SPSB1: variants seen among roughly 807,000 people sequenced by gnomAD.
SPSB1 encodes splA/ryanodine receptor domain and SOCS box containing 1.
In SPSB1, 8 loss-of-function variants were observed where a neutral mutation model predicts 21.2. That is an observed-to-expected ratio of 0.38 (90% CI 0.22 to 0.68). The LOEUF (loss-of-function observed/expected upper bound fraction) is 0.68, where lower values mean the gene tolerates loss of function less well. SPSB1 is among the 30% of genes least tolerant of loss of function. The pLI, the probability that SPSB1 is intolerant of heterozygous loss-of-function variation, is 0.53. For synonymous variants in SPSB1, 169 were observed against 161.7 expected (o/e 1.05, Z -0.34); for missense variants, 242 against 377.8 (o/e 0.64, Z 2.98).
chr1:9,349,340 C>T (rs1031241293), intron 1 of SPSB1, among the ~76,000 whole-genome samples: 36 of 152,238 alleles, frequency 2.4e-4, no homozygotes, highest in African/African-American at 7.2e-4. Context: ...ATATTGGTGA[C>T]GTGTCCTCTC....
Position 9,367,477 on chromosome 1 carries a change from C to G in SPSB1, c.724C>G (p.Arg242Gly). 6.2e-7 allele frequency: 1 copy of G among 1,613,682 alleles called. No homozygotes were observed. Among genetic ancestry groups the G allele is most frequent in the South Asian group, 1.1e-5 (1 of 91,084 alleles). The change falls in exon 3 of 3, where the codon CGT (arginine) becomes GGT (glycine). Residue 242 changes from arginine (R) to glycine (G), a missense_variant. By Grantham distance (125) the Arg-to-Gly change is moderately radical. Transcript: ENST00000328089. The surrounding 1 kb of genome is among the most constrained non-coding windows in gnomAD (Gnocchi z 5.9). Reference protein sequence around the residue: ...PEPLPLMDLCRRSVRLALGRE... With the variant: ...PEPLPLMDLCGRSVRLALGRE... Reference sequence around the variant, plus strand: ...GCCGCTGCCGCTCATGGATTTGTGCCGTCGCTCGGTGCGCCTGGCCCTGGG... The same window carrying G: ...GCCGCTGCCGCTCATGGATTTGTGCGGTCGCTCGGTGCGCCTGGCCCTGGG...
chr1:9,304,523 T>G (rs1639381836), intron 1 of SPSB1, among the ~76,000 whole-genome samples: 2 of 152,224 alleles, frequency 1.3e-5, no homozygotes, highest in Admixed American at 1.3e-4. Flanking sequence ...TTCATATCCC[T>G]GACCTGCCAG....
intron 1 of SPSB1, among the ~76,000 whole-genome samples, chr1:9,326,566 T>C (rs982647254): frequency 2.6e-5 from 4 of 152,156 alleles, no homozygotes; most frequent in Non-Finnish European, 5.9e-5. Context: ...CTTGGTTTGC[T>C]CTGAGTGGGA....
rs541961931 is a variant in SPSB1 at position 9,293,098 on chromosome 1, C to A, written c.-150+27C>A. The stretch of plus-strand genomic sequence containing the variant: ...TAGGCGGCGCGGGGCACCTGGGACC[C>A]CGATGGGTGGGCGACCGGCCCGGGA... On this transcript the variant is annotated intron_variant, in intron 1 of 2. Coordinates refer to ENST00000328089, the MANE Select transcript of SPSB1 (RefSeq NM_025106.4). This position sits in a 1 kb window ranked among gnomAD's most constrained non-coding sequence, Gnocchi z 5.1. 0.012 allele frequency: 11,497 copies of A among 977,600 alleles called. 74 individuals carry two copies. Among genetic ancestry groups the A allele is most frequent in the South Asian group, 0.019 (419 of 21,976 alleles). The allele number at this position is 977,600 out of a possible 1,614,324, so 60.6% of individuals were successfully genotyped here.
intron 1 of SPSB1, chr1:9,339,356 G>A (rs558585442): frequency 2.1e-6 from 2 of 951,250 alleles, no homozygotes; most frequent in Admixed American, 6.2e-5. Flanking sequence ...AGGACTTAGG[G>A]CTGTGACTCA....
chr1:9,367,851 C>T lies in SPSB1; in HGVS notation c.*276C>T. On this transcript the variant is annotated 3_prime_UTR_variant, in exon 3 of 3. Coordinates refer to ENST00000328089, the MANE Select transcript of SPSB1 (RefSeq NM_025106.4). This position sits in a 1 kb window ranked among gnomAD's most constrained non-coding sequence, Gnocchi z 5.9. The stretch of plus-strand genomic sequence containing the variant: ...TGAAAAAAGACACAGAGAATAAACT[C>T]CTACGAAAGCCCTACATTGAGCTCC... 1 of 461,900 alleles carries T rather than the reference C, an allele frequency of 2.2e-6. No individual in the cohort carries two copies. The highest frequency in any genetic ancestry group is 2.6e-5 in the South Asian group (1 of 38,752). 28.6% of individuals were successfully genotyped at this position (461,900 alleles called of 1,614,324 possible).
At chr1:9,298,607 A>G (rs1471846583) in intron 1 of SPSB1, among the ~76,000 whole-genome samples, 1 of 152,200 alleles carries the variant, frequency 6.6e-6, no homozygotes, top group Non-Finnish European at 1.5e-5. Context: ...GGAAAGGGAA[A>G]TAATTAGATT....
rs759448677 is a variant in SPSB1, at chr1:9,355,949, A to G, written c.58A>G (p.Arg20Gly). Residue 20 changes from arginine to glycine, a missense_variant, in exon 2 of 3, where the codon AGG becomes GGG. By Grantham distance (125) the Arg-to-Gly change is moderately radical. Transcript: ENST00000328089. Reference protein sequence around the residue: ...KTVDMRDPTYRPLKQELQGLD... With the variant: ...KTVDMRDPTYGPLKQELQGLD... ...TGTGGACATGAGGGACCCCACGTAC[A>G]GGCCCCTGAAGCAGGAGCTCCAGGG... 1 of 1,612,856 alleles carries G rather than the reference A, an allele frequency of 6.2e-7. No individual in the cohort carries two copies. Among genetic ancestry groups the G allele is most frequent in the Non-Finnish European group, 8.5e-7 (1 of 1,179,328 alleles).
intron 1 of SPSB1, among the ~76,000 whole-genome samples, chr1:9,314,666 C>T (rs967682740): frequency 2.6e-5 from 4 of 152,232 alleles, no homozygotes; most frequent in African/African-American, 7.2e-5. Flanking sequence ...CTTCTTACAT[C>T]GTCTTGTTTT....
intron 1 of SPSB1, among the ~76,000 whole-genome samples, chr1:9,318,553 G>A (rs757138340): frequency 1.3e-5 from 2 of 152,206 alleles, no homozygotes; most frequent in Non-Finnish European, 2.9e-5. Context: ...CCTGGATCCT[G>A]GACAAGTTAC....
rs952883415 is a variant in SPSB1, at chr1:9,298,428, G to A, written c.-150+5357G>A. 9.8e-5 allele frequency among the ~76,000 whole-genome samples: 10 copies of A among 101,750 alleles called. No homozygotes were observed. The East Asian group carries it at 1.8e-3, about 19-fold the overall frequency. The allele number at this position is 101,750 out of a possible 152,430, so 66.8% of individuals were successfully genotyped here. On this transcript the variant is annotated intron_variant, in intron 1 of 2. Coordinates refer to ENST00000328089, the MANE Select transcript of SPSB1 (RefSeq NM_025106.4). ...TGAACGAATGAATGAATAAGTGAACGAATGAATGAATAAGTGAATGAATAA... is the reference window on the plus strand; with the variant it reads ...TGAACGAATGAATGAATAAGTGAACAAATGAATGAATAAGTGAATGAATAA...
chr1:9,322,313 C>G (rs565680726), intron 1 of SPSB1, among the ~76,000 whole-genome samples: 1 of 152,124 alleles, frequency 6.6e-6, no homozygotes, highest in Non-Finnish European at 1.5e-5. Context: ...AACTGAGGTT[C>G]GGAAAGTCTC....
chr1:9,338,731 G>A (rs566310140), intron 1 of SPSB1, among the ~76,000 whole-genome samples: 2 of 152,132 alleles, frequency 1.3e-5, no homozygotes, highest in Admixed American at 6.5e-5. Flanking sequence ...CTGAGGGGGC[G>A]TCACCTCCCC....
intron 1 of SPSB1, among the ~76,000 whole-genome samples, chr1:9,301,725 C>T (rs539580685): frequency 6.6e-6 from 1 of 152,282 alleles, no homozygotes; most frequent in South Asian, 2.1e-4. Flanking sequence ...GGCTCAGCAG[C>T]ATGGACTGCC....
At chr1:9,307,507 G>A (rs777679509) in intron 1 of SPSB1, among the ~76,000 whole-genome samples, 7 of 152,184 alleles carry the variant, frequency 4.6e-5, no homozygotes, top group Non-Finnish European at 7.3e-5. Context: ...GGCCTTCTGC[G>A]TCTGACTTCT....
At chr1:9,353,850 G>A (rs544703864) in intron 1 of SPSB1, among the ~76,000 whole-genome samples, 17 of 152,062 alleles carry the variant, frequency 1.1e-4, no homozygotes, top group African/African-American at 3.6e-4. Context: ...CCCAGGAAGC[G>A]GAGGTTGCAG....
Position 9,347,974 on chromosome 1 carries a change from TCGCTCTGA to T in SPSB1, c.-149-7765_-149-7758del, listed in dbSNP as rs1640191478. Among the ~76,000 whole-genome samples, 5 of 143,418 alleles carry T rather than the reference TCGCTCTGA, an allele frequency of 3.5e-5. No individual in the cohort carries two copies. In the South Asian group the frequency reaches 1.2e-3, roughly 33 times the overall value. 94.1% of individuals were successfully genotyped at this position (143,418 alleles called of 152,430 possible). A position where few individuals can be genotyped will look rare whatever the true frequency, so the allele number is the denominator to read the frequency against. ...TTTTTTTTTTTTTTTAAACAGAATC[TCGCTCTGA>T]CGCCCAGGTTCGAGTGCAGTGGTGC... On this transcript the variant is annotated intron_variant, in intron 1 of 2. Transcript: ENST00000328089.
rs1216865619 is a variant in SPSB1, at chr1:9,292,930, A to G, written c.-291A>G. 3 of 954,350 alleles carry G rather than the reference A, an allele frequency of 3.1e-6. No individual in the cohort carries two copies. Among genetic ancestry groups the G allele is most frequent in the South Asian group, 5.0e-5 (1 of 19,818 alleles). The allele number at this position is 954,350 out of a possible 1,614,324, so 59.1% of individuals were successfully genotyped here. On this transcript the variant is annotated 5_prime_UTR_variant, in exon 1 of 3. Coordinates refer to ENST00000328089, the MANE Select transcript of SPSB1 (RefSeq NM_025106.4). ...GCGCTCGGGCAGCCTGCGCGCTCGC[A>G]GCAGGAACCAGGCTCCAGGCGCCGG...
chr1:9,308,585 G>C, intron 1 of SPSB1, among the ~76,000 whole-genome samples: 1 of 152,230 alleles, frequency 6.6e-6, no homozygotes, highest in Non-Finnish European at 1.5e-5. Flanking sequence ...CTGTGAGTGT[G>C]ATTCTGCCTG....
Sources: allele counts gnomAD v4.1 joint callset (sites outside exome capture counted in the v4.1 genomes callset), GRCh38; gene constraint gnomAD v4.1.1; non-coding constraint Gnocchi (gnomAD v3.1); transcripts MANE v1.5; gene names NCBI Gene and HGNC (gene_info 2026-07-23, HGNC 2026-07-21).